MTUS1: variants seen among roughly 807,000 people sequenced by gnomAD.
The protein encoded by MTUS1 is microtubule associated scaffold protein 1, also known as microtubule-associated tumor suppressor 1.
Under a neutral mutation model 120.8 loss-of-function variants are expected in MTUS1, and 109 were observed. The ratio of observed to expected loss-of-function variants is 0.90; its 90% CI spans 0.77 to 1.06. MTUS1 has a LOEUF of 1.06. Ranked by LOEUF, MTUS1 falls within the 50% of genes least tolerant of loss-of-function variation. MTUS1 has a pLI of 0.00. For synonymous variants in MTUS1, 737 were observed against 550.5 expected (o/e 1.34, Z -4.74); for missense variants, 2,210 against 1,486.3 (o/e 1.49, Z -8.01).
chr8:17,727,191 A>G (rs563351395), intron 3 of MTUS1, among the ~76,000 whole-genome samples: 1 of 152,336 alleles, frequency 6.6e-6, no homozygotes, highest in South Asian at 2.1e-4. Flanking sequence ...AGGATAATGA[A>G]TGCCGATTTC....
intron 6 of MTUS1, chr8:17,697,321 TTTGGCCGTCAG>T (rs763674000): frequency 6.2e-7 from 1 of 1,614,162 alleles, no homozygotes; most frequent in Non-Finnish European, 8.5e-7. Flanking sequence ...GAAGCAATCC[TTTGGCCGTCAG>T]TCGTATGTGA....
chr8:17,696,233 G>A (rs117625278), intron 6 of MTUS1, among the ~76,000 whole-genome samples: 1,559 of 152,216 alleles, frequency 0.01, 17 homozygotes, highest in South Asian at 0.031. Context: ...GACAGGTCAA[G>A]GGGAGTTATG....
At chr8:17,688,974 G>A (rs866085491) in intron 6 of MTUS1, among the ~76,000 whole-genome samples, 36 of 152,252 alleles carry the variant, frequency 2.4e-4, no homozygotes, top group Middle Eastern at 6.8e-3. Context: ...CATTTTGGGA[G>A]GCCAAGGCGG....
rs780748992 is a variant in MTUS1 at position 17,754,077 on chromosome 8, C to T, written c.1731G>A (p.Gln577=). ...AEILINKTHK[Q]QFNKLITSQA... ...GGCTAGTAATGAGTTTATTAAACTG[C>T]TGCTTATGTGTCTTGTTAATTAGAA... Residue 577 remains glutamine (Q), a synonymous_variant, in exon 2 of 15, where the codon CAG becomes CAA. Coordinates refer to ENST00000693296, the MANE Select transcript of MTUS1 (RefSeq NM_001363059.2). The T allele has an allele frequency of 3.1e-6, 5 of 1,613,882 alleles. No homozygotes were observed. The highest frequency in any genetic ancestry group is 4.2e-6 in the Non-Finnish European group (5 of 1,180,012).
chr8:17,675,119 G>C, intron 8 of MTUS1, 67 bp downstream of exon 8: 1 of 1,606,808 alleles, frequency 6.2e-7, no homozygotes. Context: ...ACGCAGACAG[G>C]ACAACCACAT....
intron 8 of MTUS1, among the ~76,000 whole-genome samples, chr8:17,666,333 TCTC>T (rs1018893622): frequency 2.6e-5 from 4 of 152,028 alleles, no homozygotes; most frequent in South Asian, 2.1e-4. Context: ...TTCTGCCTCT[TCTC>T]CTCACTGACG....
At chr8:17,649,994 T>C (rs778704219) in intron 12 of MTUS1, 32 bp from the exon 13 acceptor site, 23 of 1,057,290 alleles carry the variant, frequency 2.2e-5, no homozygotes, top group Non-Finnish European at 3.3e-5. Flanking sequence ...ACTGCTCTTA[T>C]TCCACATAGT....
intron 6 of MTUS1, among the ~76,000 whole-genome samples, chr8:17,702,469 A>G (rs930229018): frequency 2.6e-5 from 4 of 152,168 alleles, no homozygotes; most frequent in African/African-American, 9.7e-5. Flanking sequence ...TGTTAACTGT[A>G]GGCACAATGC....
At chr8:17,697,662 T>C in intron 6 of MTUS1, 1 of 1,153,140 alleles carries the variant, frequency 8.7e-7, no homozygotes, top group Non-Finnish European at 1.1e-6. Context: ...CTGAACCACA[T>C]CACACTGTGC....
At chr8:17,738,089 A>T (rs1265174046) in intron 3 of MTUS1, among the ~76,000 whole-genome samples, 1 of 152,188 alleles carries the variant, frequency 6.6e-6, no homozygotes, top group Non-Finnish European at 1.5e-5. Context: ...TCTTGAAAGG[A>T]ATTTACTTTA....
intron 3 of MTUS1, among the ~76,000 whole-genome samples, chr8:17,735,587 C>T (rs1006413243): frequency 8.5e-5 from 13 of 152,190 alleles, no homozygotes; most frequent in African/African-American, 3.1e-4. Flanking sequence ...CACATCTGCA[C>T]CCTCAGCAAC....
chr8:17,700,669 A>G lies in MTUS1; in HGVS notation c.2623+12545T>C, dbSNP rs180978182. ...GGAGGATTTCTATTTTTTCTTTATT[A>G]TATGTTTTTGTATTTTCCTAATTTT... On this transcript the variant is annotated intron_variant, in intron 6 of 14. Coordinates refer to ENST00000693296, the MANE Select transcript of MTUS1 (RefSeq NM_001363059.2). 5.2e-3 allele frequency among the ~76,000 whole-genome samples: 781 copies of G among 151,148 alleles called. 8 individuals are homozygous for G. The highest frequency in any genetic ancestry group is 0.018 in the African/African-American group (741 of 41,358).
At chr8:17,721,235 A>G (rs1368796880) in intron 4 of MTUS1, among the ~76,000 whole-genome samples, 1 of 152,228 alleles carries the variant, frequency 6.6e-6, no homozygotes, top group East Asian at 1.9e-4. Flanking sequence ...ATTATCAGAA[A>G]CAGGAAATTT....
At chr8:17,776,507 C>T (rs986835198) in intron 1 of MTUS1, among the ~76,000 whole-genome samples, 2 of 151,624 alleles carry the variant, frequency 1.3e-5, no homozygotes, top group Admixed American at 6.6e-5. Flanking sequence ...GGTGAAACCC[C>T]GTCTCTACCA....
In MTUS1 at chr8:17,648,659, G is replaced by A. The variant is rs556991433; in HGVS notation, c.3501+1187C>T. Among the ~76,000 whole-genome samples the A allele has an allele frequency of 3.3e-4, 51 of 152,266 alleles. 1 individual carries two copies. In the South Asian group the frequency reaches 9.3e-3, roughly 28 times the overall value. ...GGTATATCCACACAGGGGCTTGGCCGTTATCTCCCTCAACAGAAGTCATAG... is the reference window on the plus strand; with the variant it reads ...GGTATATCCACACAGGGGCTTGGCCATTATCTCCCTCAACAGAAGTCATAG... On this transcript the variant is annotated intron_variant, in intron 13 of 14. Transcript: ENST00000693296.
intron 4 of MTUS1, among the ~76,000 whole-genome samples, chr8:17,720,352 A>AC (rs1269095225): frequency 6.6e-6 from 1 of 151,928 alleles, no homozygotes; most frequent in South Asian, 2.1e-4. Flanking sequence ...TCTAAAAAAA[A>AC]AAAAAACAAA....
chr8:17,661,009 G>A (rs964792404), intron 8 of MTUS1, among the ~76,000 whole-genome samples: 1 of 152,180 alleles, frequency 6.6e-6, no homozygotes, highest in Admixed American at 6.5e-5. Flanking sequence ...AAAGAATTTA[G>A]TGAAAGATAG....
intron 7 of MTUS1, chr8:17,676,131 G>C: frequency 1.6e-6 from 1 of 634,508 alleles, no homozygotes; most frequent in African/African-American, 1.8e-5. Context: ...ACCACATCCT[G>C]ATCACAGCGT....
intron 1 of MTUS1, among the ~76,000 whole-genome samples, chr8:17,776,676 C>G (rs1475452177): frequency 5.7e-5 from 2 of 35,054 alleles, no homozygotes; most frequent in Non-Finnish European, 9.5e-5. Flanking sequence ...GAGACTCTGT[C>G]TCAAAAAAAA....
Sources: allele counts gnomAD v4.1 joint callset (sites outside exome capture counted in the v4.1 genomes callset), GRCh38; gene constraint gnomAD v4.1.1; transcripts MANE v1.5; gene names NCBI Gene and HGNC (gene_info 2026-07-23, HGNC 2026-07-21).